The following ALDH1A2 variants were observed in gnomAD, a reference collection of about 807,000 sequenced individuals.
ALDH1A2 encodes aldehyde dehydrogenase 1 family member A2, also known as retinal dehydrogenase 2.
In ALDH1A2, 27 loss-of-function variants were observed where a neutral mutation model predicts 60.3. The ratio of observed to expected loss-of-function variants is 0.45; its 90% CI spans 0.33 to 0.62. The LOEUF (loss-of-function observed/expected upper bound fraction) is 0.62, where lower values mean the gene tolerates loss of function less well. Ranked by LOEUF, ALDH1A2 falls within the 20% of genes least tolerant of loss-of-function variation. ALDH1A2 has a pLI of 0.02. For synonymous variants in ALDH1A2, 289 were observed against 232.4 expected (o/e 1.24, Z -2.21); for missense variants, 581 against 643.8 (o/e 0.90, Z 1.06).
At chr15:58,055,749 C>CA (rs1456778870) in intron 1 of ALDH1A2, among the ~76,000 whole-genome samples, 1 of 151,906 alleles carries the variant, frequency 6.6e-6, no homozygotes, top group African/African-American at 2.4e-5. Context: ...TAAATATATA[C>CA]ACCAGCTTTG....
At chr15:58,003,963 A>T (rs1215904248) in intron 4 of ALDH1A2, among the ~76,000 whole-genome samples, 13 of 151,904 alleles carry the variant, frequency 8.6e-5, no homozygotes, top group Admixed American at 7.9e-4. Context: ...GTTGTAAAGG[A>T]AACAACATCA....
At chr15:57,998,417 A>G (rs1423568150) in intron 4 of ALDH1A2, among the ~76,000 whole-genome samples, 1 of 152,090 alleles carries the variant, frequency 6.6e-6, no homozygotes, top group Non-Finnish European at 1.5e-5. Context: ...ATAGACAAGC[A>G]GAGAGCTAAA....
At chr15:58,051,996 A>G (rs2140571340) in intron 1 of ALDH1A2, among the ~76,000 whole-genome samples, 1 of 152,210 alleles carries the variant, frequency 6.6e-6, no homozygotes, top group South Asian at 2.1e-4. Flanking sequence ...ATTAAAATCA[A>G]TTTTCACCAA....
At chr15:58,001,664 T>C (rs1383985106) in intron 4 of ALDH1A2, among the ~76,000 whole-genome samples, 2 of 151,974 alleles carry the variant, frequency 1.3e-5, no homozygotes, top group East Asian at 1.9e-4. Context: ...TCTCTCAGTA[T>C]GGCAGGATGA....
chr15:57,993,120 A>T (rs1377863206), intron 5 of ALDH1A2, 47 bp from the exon 6 acceptor site: 2 of 1,604,568 alleles, frequency 1.2e-6, no homozygotes, highest in Non-Finnish European at 1.7e-6. Context: ...ACATTCTTCC[A>T]CTACTTTGTT....
chr15:58,038,510 C>G (rs779529752), intron 1 of ALDH1A2: 6 of 151,760 alleles, frequency 4.0e-5, no homozygotes, highest in Non-Finnish European at 7.4e-5. Context: ...AGGGTACCTA[C>G]CTATTCTACT....
At chr15:58,045,373 A>C (rs1218815669) in intron 1 of ALDH1A2, among the ~76,000 whole-genome samples, 1 of 152,082 alleles carries the variant, frequency 6.6e-6, no homozygotes, top group African/African-American at 2.4e-5. Context: ...ATACCGTTTC[A>C]CCCAGTGATC....
Position 57,995,238 on chromosome 15 carries a change from A to T in ALDH1A2, c.494-99T>A, listed in dbSNP as rs1895016914. The T allele has an allele frequency of 4.8e-6, 4 of 826,714 alleles. No homozygotes were observed. The East Asian group carries it at 1.1e-4, about 22-fold the overall frequency. The allele number at this position is 826,714 out of a possible 1,614,324, so 51.2% of individuals were successfully genotyped here. A position where few individuals can be genotyped will look rare whatever the true frequency, so the allele number is the denominator to read the frequency against. ...GCTGCAAAAAAAAAAAAAAAAAAACAAACAGAAATAAACTTGAAAAAACAT... is the reference window on the plus strand; with the variant it reads ...GCTGCAAAAAAAAAAAAAAAAAAACTAACAGAAATAAACTTGAAAAAACAT... On this transcript the variant is annotated intron_variant, in intron 4 of 12. Coordinates refer to ENST00000249750, the MANE Select transcript of ALDH1A2 (RefSeq NM_003888.4).
At chr15:58,019,487 C>A (rs914302917) in intron 1 of ALDH1A2, among the ~76,000 whole-genome samples, 1 of 152,082 alleles carries the variant, frequency 6.6e-6, no homozygotes, top group Non-Finnish European at 1.5e-5. Context: ...TGTATCTGAC[C>A]CTAAGTTACT....
At chr15:58,023,507 T>C (rs1895990560) in intron 1 of ALDH1A2, among the ~76,000 whole-genome samples, 1 of 152,138 alleles carries the variant, frequency 6.6e-6, no homozygotes, top group Admixed American at 6.5e-5. Context: ...TATCAGACTG[T>C]CTGAAGTCAA....
intron 1 of ALDH1A2, among the ~76,000 whole-genome samples, chr15:58,046,242 AG>A (rs1896636273): frequency 6.6e-6 from 1 of 152,030 alleles, no homozygotes; most frequent in South Asian, 2.1e-4. Flanking sequence ...AAGATCATAA[AG>A]TTTGGCTTTT....
chr15:58,004,246 C>A (rs190482637), intron 4 of ALDH1A2, among the ~76,000 whole-genome samples: 1 of 151,930 alleles, frequency 6.6e-6, no homozygotes, highest in African/African-American at 2.4e-5. Context: ...TGAAATCTAT[C>A]CTTTATGGGG....
chr15:58,006,875 A>G (rs1283149438), intron 4 of ALDH1A2, among the ~76,000 whole-genome samples: 3 of 139,568 alleles, frequency 2.1e-5, no homozygotes, highest in African/African-American at 7.8e-5. Context: ...AAAAAAAAAA[A>G]AGTGTCCTTT....
intron 1 of ALDH1A2, chr15:58,014,511 C>G (rs1426056592): frequency 3.5e-6 from 2 of 577,972 alleles, no homozygotes; most frequent in Non-Finnish European, 6.6e-6. Context: ...TTTCATGAAC[C>G]TGTCAACTAA....
At chr15:58,014,988 G>C (rs1275300273) in intron 1 of ALDH1A2, among the ~76,000 whole-genome samples, 1 of 152,110 alleles carries the variant, frequency 6.6e-6, no homozygotes, top group Non-Finnish European at 1.5e-5. Context: ...CTGAAGATTT[G>C]GGAAATTATT....
chr15:57,979,069 G>T (rs1267356851), intron 7 of ALDH1A2, among the ~76,000 whole-genome samples: 1 of 151,984 alleles, frequency 6.6e-6, no homozygotes, highest in Non-Finnish European at 1.5e-5. Context: ...TGGGGAGTTG[G>T]GGGGATTAGG....
chr15:58,005,949 AAT>A (rs1158734477), intron 4 of ALDH1A2, among the ~76,000 whole-genome samples: 1 of 151,884 alleles, frequency 6.6e-6, no homozygotes, highest in Non-Finnish European at 1.5e-5. Flanking sequence ...TACTACCTAA[AAT>A]TTATTTGTAA....
At chr15:58,034,981 C>T (rs1469998505) in intron 1 of ALDH1A2, among the ~76,000 whole-genome samples, 6 of 151,600 alleles carry the variant, frequency 4.0e-5, no homozygotes, top group Admixed American at 2.6e-4. Flanking sequence ...TAACGATGGC[C>T]TCATAAAATG....
chr15:57,956,146 A>G (rs1893517450), intron 12 of ALDH1A2, among the ~76,000 whole-genome samples: 1 of 152,080 alleles, frequency 6.6e-6, no homozygotes, highest in African/African-American at 2.4e-5. Context: ...TCCACCAAAC[A>G]TAGGGTATAG....
Sources: allele counts gnomAD v4.1 joint callset (sites outside exome capture counted in the v4.1 genomes callset), GRCh38; gene constraint gnomAD v4.1.1; transcripts MANE v1.5; gene names NCBI Gene and HGNC (gene_info 2026-07-23, HGNC 2026-07-21).